SMIM45: variants seen among roughly 807,000 people sequenced by gnomAD.
The protein encoded by SMIM45 is small integral membrane protein 45.
chr22:41,955,805 C>CAAA, the SMIM45 span, among the ~76,000 whole-genome samples: 284 of 104,308 alleles, frequency 2.7e-3, 3 homozygotes, highest in African/African-American at 9.3e-3. Context: ...GACTCCGTCT[C>CAAA]AAAAAAAAAA....
chr22:41,957,246 T>G, the SMIM45 span, among the ~76,000 whole-genome samples: 1 of 133,404 alleles, frequency 7.5e-6, no homozygotes, highest in Non-Finnish European at 1.5e-5. Flanking sequence ...CAGGCTGGAG[T>G]GCAGTGGCAC....
chr22:41,958,043 C>T, the SMIM45 span: 1 of 278,142 alleles, frequency 3.6e-6, no homozygotes, highest in African/African-American at 2.3e-5. Context: ...CCGACAGAGG[C>T]CCCAGGTGCG....
At chr22:41,949,802 T>C in the SMIM45 span, among the ~76,000 whole-genome samples, 81 of 152,138 alleles carry the variant, frequency 5.3e-4, no homozygotes, top group African/African-American at 1.9e-3. Context: ...TCTGTGTCCC[T>C]GGGGAGCCTG....
chr22:41,947,199 G>A, the SMIM45 span: 1 of 863,514 alleles, frequency 1.2e-6, no homozygotes, highest in Non-Finnish European at 1.9e-6. Context: ...TTCGCGGGAC[G>A]GGACGGGGCC....
At chr22:41,951,664 A>G in the SMIM45 span, among the ~76,000 whole-genome samples, 1 of 152,230 alleles carries the variant, frequency 6.6e-6, no homozygotes, top group African/African-American at 2.4e-5. Context: ...GACCATGAAT[A>G]AGAATTAATT....
chr22:41,955,994 A>G, the SMIM45 span, among the ~76,000 whole-genome samples: 2 of 151,452 alleles, frequency 1.3e-5, no homozygotes, highest in East Asian at 1.9e-4. Context: ...CAAAAGCTCT[A>G]TCACCTGGGT....
At chr22:41,956,973 G>A in the SMIM45 span, among the ~76,000 whole-genome samples, 3 of 152,048 alleles carry the variant, frequency 2.0e-5, no homozygotes, top group Non-Finnish European at 4.4e-5. Context: ...TAGAGATGGG[G>A]TTTCACCATA....
At chr22:41,955,969 C>G in the SMIM45 span, among the ~76,000 whole-genome samples, 1 of 151,924 alleles carries the variant, frequency 6.6e-6, no homozygotes, top group Non-Finnish European at 1.5e-5. Context: ...CATAAATTAA[C>G]TCATTCAGCA....
the SMIM45 span, among the ~76,000 whole-genome samples, chr22:41,955,573 G>A: frequency 5.4e-3 from 828 of 152,168 alleles, 14 homozygotes; most frequent in African/African-American, 0.019. Context: ...TTGGGAGGCC[G>A]AGGTGGGCGG....
the SMIM45 span, chr22:41,947,287 C>T: frequency 4.3e-4 from 250 of 588,004 alleles, 1 homozygote; most frequent in South Asian, 4.4e-3. Context: ...GTGGACAGGC[C>T]TTTGGTTCCA....
chr22:41,950,820 C>G, the SMIM45 span, among the ~76,000 whole-genome samples: 1 of 152,144 alleles, frequency 6.6e-6, no homozygotes, highest in Non-Finnish European at 1.5e-5. Context: ...ATCGTAAACC[C>G]GCCTCTACTA....
the SMIM45 span, among the ~76,000 whole-genome samples, chr22:41,951,171 G>C: frequency 6.6e-6 from 1 of 152,242 alleles, no homozygotes; most frequent in Non-Finnish European, 1.5e-5. Flanking sequence ...TTCTGGGAAC[G>C]GATTCCCTAG....
chr22:41,947,250 G>A, the SMIM45 span: 1 of 612,902 alleles, frequency 1.6e-6, no homozygotes, highest in Non-Finnish European at 2.9e-6. Context: ...TCTGAGGGGC[G>A]TTCCAGCGCT....
the SMIM45 span, among the ~76,000 whole-genome samples, chr22:41,951,343 G>A: frequency 5.3e-5 from 8 of 152,174 alleles, no homozygotes; most frequent in Admixed American, 2.0e-4. Flanking sequence ...CACCCCCAAC[G>A]TCAGCTCTTG....
At chr22:41,946,990 G>T in the SMIM45 span, 3 of 1,610,886 alleles carry the variant, frequency 1.9e-6, no homozygotes, top group African/African-American at 1.3e-5. Context: ...AGGAAAAACC[G>T]GCGGGGGAAG....
At chr22:41,947,418 G>C in the SMIM45 span, among the ~76,000 whole-genome samples, 1 of 149,382 alleles carries the variant, frequency 6.7e-6, no homozygotes, top group Non-Finnish European at 1.5e-5. Flanking sequence ...CCAGGCTGGA[G>C]TGCAATGCGC....
chr22:41,950,979 G>C, the SMIM45 span, among the ~76,000 whole-genome samples: 1 of 152,198 alleles, frequency 6.6e-6, no homozygotes, highest in African/African-American at 2.4e-5. Flanking sequence ...CGAACACAGC[G>C]AGACTCCGTC....
At chr22:41,957,490 C>A in the SMIM45 span, among the ~76,000 whole-genome samples, 47 of 152,078 alleles carry the variant, frequency 3.1e-4, no homozygotes, top group African/African-American at 1.1e-3. Context: ...CGTGAGCCAC[C>A]GCGCCCGGCC....
the SMIM45 span, among the ~76,000 whole-genome samples, chr22:41,955,789 G>A: frequency 1.5e-5 from 2 of 134,994 alleles, no homozygotes; most frequent in Non-Finnish European, 3.1e-5. Flanking sequence ...CTGGGTGACA[G>A]AGCAAGACTC....
Sources: allele counts gnomAD v4.1 joint callset (sites outside exome capture counted in the v4.1 genomes callset), GRCh38; gene constraint gnomAD v4.1.1; transcripts MANE v1.5; gene names NCBI Gene and HGNC (gene_info 2026-07-23, HGNC 2026-07-21).